The following PRR16 variants were observed in gnomAD, a reference collection of about 807,000 sequenced individuals.
The protein encoded by PRR16 is protein Largen.
PRR16 carries 6 observed loss-of-function variants against 18.2 expected under a neutral mutation model. The observed-to-expected ratio is 0.33, with a 90% CI of 0.18 to 0.65. PRR16 has a LOEUF of 0.65. Among genes scored for constraint, PRR16 ranks in the 30% least tolerant of loss-of-function variants. The probability of loss-of-function intolerance (pLI) is 0.74; values close to 1 mark genes in which losing one functional copy is unlikely to be tolerated. For synonymous variants in PRR16, 151 were observed against 147.8 expected, an observed-to-expected ratio of 1.02 and a Z score of -0.16; for missense variants, 412 against 376.6, an observed-to-expected ratio of 1.09 and a Z score of -0.78.
the PRR16 span, among the ~76,000 whole-genome samples, chr5:120,772,706 G>C: frequency 2.0e-5 from 3 of 151,964 alleles, no homozygotes; most frequent in Non-Finnish European, 2.9e-5. Flanking sequence ...CAAATACCAT[G>C]GTTTTCTACA....
chr5:120,652,582 A>G (rs974491938), intron 1 of PRR16, among the ~76,000 whole-genome samples: 3 of 152,020 alleles, frequency 2.0e-5, no homozygotes, highest in Non-Finnish European at 2.9e-5. Flanking sequence ...TCCTTAGTCT[A>G]ACCATAAGAA....
At chr5:120,572,486 C>A (rs150541229) in intron 1 of PRR16, among the ~76,000 whole-genome samples, 111 of 152,202 alleles carry the variant, frequency 7.3e-4, no homozygotes, top group African/African-American at 2.6e-3. Flanking sequence ...TCAGACATTT[C>A]ATTTTGTACA....
chr5:120,725,361 C>T, the PRR16 span, among the ~76,000 whole-genome samples: 1 of 147,434 alleles, frequency 6.8e-6, no homozygotes, highest in Admixed American at 6.8e-5. Context: ...CACAGCGCAT[C>T]TTCAGTTAAA....
At chr5:120,603,579 T>A (rs1211316021) in intron 1 of PRR16, among the ~76,000 whole-genome samples, 1 of 152,018 alleles carries the variant, frequency 6.6e-6, no homozygotes, top group Non-Finnish European at 1.5e-5. Context: ...CTGATTTTTG[T>A]CATTTCTTTA....
At chr5:120,670,957 A>T (rs1035955628) in intron 1 of PRR16, among the ~76,000 whole-genome samples, 11 of 152,130 alleles carry the variant, frequency 7.2e-5, no homozygotes, top group Admixed American at 7.2e-4. Context: ...GTGACTGCCT[A>T]TTACCTTTAG....
At chr5:120,726,827 C>T in the PRR16 span, among the ~76,000 whole-genome samples, 1 of 152,062 alleles carries the variant, frequency 6.6e-6, no homozygotes, top group Non-Finnish European at 1.5e-5. Context: ...GCTGTATATA[C>T]TTAGAAGGCC....
At chr5:120,736,125 A>G in the PRR16 span, among the ~76,000 whole-genome samples, 1 of 152,304 alleles carries the variant, frequency 6.6e-6, no homozygotes, top group East Asian at 1.9e-4. Context: ...TCATTTGACC[A>G]CACACGCAAG....
chr5:120,773,089 C>T, the PRR16 span, among the ~76,000 whole-genome samples: 1 of 152,046 alleles, frequency 6.6e-6, no homozygotes, highest in African/African-American at 2.4e-5. Context: ...CTGTGTGTGG[C>T]TTTGACTTAG....
At chr5:120,494,191 C>A (rs1217944313) in intron 1 of PRR16, among the ~76,000 whole-genome samples, 1 of 152,138 alleles carries the variant, frequency 6.6e-6, no homozygotes, top group East Asian at 1.9e-4. Flanking sequence ...TCCTCACCAG[C>A]ATTTGATATC....
chr5:120,537,697 AT>A (rs1367758461), intron 1 of PRR16, among the ~76,000 whole-genome samples: 1 of 152,162 alleles, frequency 6.6e-6, no homozygotes, highest in African/African-American at 2.4e-5. Flanking sequence ...ACAGCAAAAA[AT>A]AAATTGTTTT....
chr5:120,634,183 G>A (rs953085626), intron 1 of PRR16, among the ~76,000 whole-genome samples: 5 of 151,914 alleles, frequency 3.3e-5, no homozygotes, highest in Non-Finnish European at 7.4e-5. Flanking sequence ...GTGATCACTG[G>A]GTCACAATGA....
chr5:120,476,634 C>T (rs778702674), intron 1 of PRR16, among the ~76,000 whole-genome samples: 5 of 152,050 alleles, frequency 3.3e-5, no homozygotes, highest in African/African-American at 9.7e-5. Context: ...TGTTATTTCC[C>T]ATTTACTCAA....
In PRR16 at chr5:120,493,128, G is replaced by A. The variant is rs1017175944; in HGVS notation, c.159+28483G>A. ...ATCTACTTTCAGTTTTTTAAGGAAT[G>A]TCTATATTATTTTCCATAGTGTTAG... On this transcript the variant is annotated intron_variant, in intron 1 of 1. Transcript: ENST00000407149. Among the ~76,000 whole-genome samples, 4 of 152,220 alleles carry A rather than the reference G, an allele frequency of 2.6e-5. No individual in the cohort carries two copies. In the South Asian group the frequency reaches 8.3e-4, roughly 32 times the overall value.
chr5:120,499,151 C>G (rs777191323), intron 1 of PRR16, among the ~76,000 whole-genome samples: 2 of 151,026 alleles, frequency 1.3e-5, no homozygotes, highest in Non-Finnish European at 2.9e-5. Context: ...CTCTTGTTGC[C>G]CAGGCTGGAG....
chr5:120,742,686 G>A, the PRR16 span, among the ~76,000 whole-genome samples: 2 of 151,846 alleles, frequency 1.3e-5, no homozygotes, highest in South Asian at 2.1e-4. Flanking sequence ...TCTCCTTTCT[G>A]CTTTAACAAA....
the PRR16 span, among the ~76,000 whole-genome samples, chr5:120,780,639 G>A: frequency 3.3e-5 from 5 of 152,012 alleles, no homozygotes; most frequent in Non-Finnish European, 7.4e-5. Context: ...GTCTGAGCTA[G>A]GCTTCTAAGA....
chr5:120,483,094 G>A (rs1470642068), intron 1 of PRR16, among the ~76,000 whole-genome samples: 1 of 152,088 alleles, frequency 6.6e-6, no homozygotes, highest in Admixed American at 6.6e-5. Context: ...TGTCTAACAT[G>A]GTATATTCTC....
chr5:120,694,059 ATGT>A, the PRR16 span, among the ~76,000 whole-genome samples: 1 of 152,190 alleles, frequency 6.6e-6, no homozygotes, highest in Admixed American at 6.6e-5. Flanking sequence ...ACCTGCCAAC[ATGT>A]TGTTATGAGG....
chr5:120,539,700 G>A (rs1483471876), intron 1 of PRR16, among the ~76,000 whole-genome samples: 1 of 152,084 alleles, frequency 6.6e-6, no homozygotes, highest in Admixed American at 6.5e-5. Flanking sequence ...TGCTATCTGT[G>A]TCAGTAAAAA....
Sources: gnomAD v4.1 joint callset for allele counts (sites outside exome capture counted in the v4.1 genomes callset) on GRCh38, gnomAD v4.1.1 for gene constraint, MANE v1.5 for transcripts, NCBI Gene and HGNC (gene_info 2026-07-23, HGNC 2026-07-21) for gene names.